The following LRRTM4 variants were observed in gnomAD, a reference collection of about 807,000 sequenced individuals.
LRRTM4 encodes leucine-rich repeat transmembrane neuronal protein 4.
A neutral mutation model predicts 47.6 loss-of-function variants in LRRTM4; 25 were observed. The ratio of observed to expected loss-of-function variants is 0.53; its 90% CI spans 0.38 to 0.73. LRRTM4 has a LOEUF of 0.73. Ranked by LOEUF, LRRTM4 falls within the 30% of genes least tolerant of loss-of-function variation. The probability of loss-of-function intolerance (pLI) is 0.00; values close to 1 mark genes in which losing one functional copy is unlikely to be tolerated. For missense variants in LRRTM4, 638 were observed against 713.4 expected (o/e 0.89, Z 1.20); for synonymous variants, 311 against 269.5 (o/e 1.15, Z -1.51).
chr2:77,505,236 T>C (rs1484456792), intron 3 of LRRTM4, among the ~76,000 whole-genome samples: 1 of 150,520 alleles, frequency 6.6e-6, no homozygotes, highest in African/African-American at 2.4e-5. Flanking sequence ...ATTCATAAAA[T>C]CAAAAACCAA....
chr2:77,029,866 A>T (rs1478165316), intron 3 of LRRTM4, among the ~76,000 whole-genome samples: 1 of 152,192 alleles, frequency 6.6e-6, no homozygotes, highest in East Asian at 1.9e-4. Context: ...GAGTCCTTAC[A>T]GTCTGACAGG....
At chr2:77,151,769 G>A (rs2103786301) in intron 3 of LRRTM4, among the ~76,000 whole-genome samples, 2 of 140,060 alleles carry the variant, frequency 1.4e-5, no homozygotes, top group South Asian at 4.7e-4. Flanking sequence ...TAAGTTTAGG[G>A]AACAGAAAGA....
At chr2:77,469,322 C>T (rs1463313981) in intron 3 of LRRTM4, among the ~76,000 whole-genome samples, 1 of 152,114 alleles carries the variant, frequency 6.6e-6, no homozygotes, top group Admixed American at 6.6e-5. Context: ...CAGAAGGCCA[C>T]TAATAAACTA....
intron 3 of LRRTM4, among the ~76,000 whole-genome samples, chr2:77,225,287 A>T (rs901169072): frequency 5.4e-5 from 8 of 149,304 alleles, no homozygotes; most frequent in Admixed American, 2.0e-4. Flanking sequence ...TGGGTGCAGC[A>T]CACCAACATG....
At chr2:77,356,172 T>C (rs1227610777) in intron 3 of LRRTM4, among the ~76,000 whole-genome samples, 9 of 152,136 alleles carry the variant, frequency 5.9e-5, no homozygotes, top group Non-Finnish European at 1.3e-4. Flanking sequence ...ATAGATTAAT[T>C]GAAACATTAA....
chr2:77,031,023 A>G (rs1269227300), intron 3 of LRRTM4, among the ~76,000 whole-genome samples: 1 of 152,214 alleles, frequency 6.6e-6, no homozygotes, highest in East Asian at 1.9e-4. Flanking sequence ...TTTCTTTGTG[A>G]ATAAACTGTA....
chr2:77,004,371 G>C (rs1677554271), intron 3 of LRRTM4, among the ~76,000 whole-genome samples: 1 of 152,186 alleles, frequency 6.6e-6, no homozygotes, highest in South Asian at 2.1e-4. Context: ...AGAGACCAAA[G>C]TGTATCTTGG....
At chr2:77,062,270 T>C (rs921087748) in intron 3 of LRRTM4, among the ~76,000 whole-genome samples, 2 of 152,184 alleles carry the variant, frequency 1.3e-5, no homozygotes, top group African/African-American at 4.8e-5. Flanking sequence ...ACATCATTAT[T>C]TGCAGTTTAT....
intron 3 of LRRTM4, among the ~76,000 whole-genome samples, chr2:77,311,412 T>A (rs903209028): frequency 3.3e-5 from 5 of 152,164 alleles, no homozygotes; most frequent in Admixed American, 3.3e-4. Context: ...AGTACCTGGG[T>A]GAAGAGCATA....
chr2:76,801,463 A>G (rs960047598), intron 3 of LRRTM4, among the ~76,000 whole-genome samples: 9 of 152,212 alleles, frequency 5.9e-5, no homozygotes, highest in Admixed American at 2.6e-4. Context: ...GAATTGAACA[A>G]TGAGATCACA....
intron 3 of LRRTM4, among the ~76,000 whole-genome samples, chr2:77,061,689 T>C (rs1455007273): frequency 2.6e-5 from 4 of 151,102 alleles, no homozygotes; most frequent in African/African-American, 4.8e-5. Context: ...AACTCTCAAA[T>C]AGTTTTCCAT....
At position 77,355,102 on chromosome 2, in the gene LRRTM4, G is replaced by A. The variant is rs376291032; in HGVS notation, c.1551+163216C>T. On this transcript the variant is annotated intron_variant, in intron 3 of 3. Coordinates refer to ENST00000409884, the MANE Select transcript of LRRTM4 (RefSeq NM_001134745.3). Reference sequence around the variant, plus strand: ...TGGATTCCATATTACAAACATTCCAGTTTCTAATAACTTGCCACTGATGTT... The same window carrying A: ...TGGATTCCATATTACAAACATTCCAATTTCTAATAACTTGCCACTGATGTT... Among the ~76,000 whole-genome samples the A allele has an allele frequency of 4.8e-4, 73 of 152,248 alleles. 1 individual carries two copies. In the South Asian group the frequency reaches 0.015, roughly 31 times the overall value.
At chr2:77,033,044 G>A (rs940270094) in intron 3 of LRRTM4, among the ~76,000 whole-genome samples, 5 of 151,954 alleles carry the variant, frequency 3.3e-5, no homozygotes, top group African/African-American at 9.7e-5. Context: ...TATCTCTCGG[G>A]ACAATCACAA....
intron 3 of LRRTM4, among the ~76,000 whole-genome samples, chr2:77,092,337 AC>A (rs1670674239): frequency 6.6e-6 from 1 of 150,682 alleles, no homozygotes; most frequent in African/African-American, 2.5e-5. Context: ...CCTGTTCCTC[AC>A]CCTGATCACA....
intron 3 of LRRTM4, among the ~76,000 whole-genome samples, chr2:76,866,970 C>G (rs1478881184): frequency 6.6e-6 from 1 of 151,760 alleles, no homozygotes; most frequent in East Asian, 1.9e-4. Context: ...AACACAGGAA[C>G]AGAAAACCAA....
intron 3 of LRRTM4, among the ~76,000 whole-genome samples, chr2:77,084,724 A>C (rs764855682): frequency 1.3e-5 from 2 of 152,182 alleles, no homozygotes; most frequent in African/African-American, 2.4e-5. Flanking sequence ...AGTTATAATA[A>C]TGGGACCTAC....
At chr2:77,050,573 T>C (rs62170910) in intron 3 of LRRTM4, among the ~76,000 whole-genome samples, 19,012 of 152,182 alleles carry the variant, frequency 0.12, 1,436 homozygotes, top group Admixed American at 0.19. Context: ...TCTGAACCTG[T>C]AACAGTCGGT....
chr2:76,761,843 T>G (rs1389477632), intron 3 of LRRTM4, among the ~76,000 whole-genome samples: 1 of 152,136 alleles, frequency 6.6e-6, no homozygotes, highest in African/African-American at 2.4e-5. Context: ...GGAGGATCAT[T>G]AAATTTATCT....
intron 3 of LRRTM4, among the ~76,000 whole-genome samples, chr2:77,135,645 C>A (rs1671915378): frequency 6.6e-6 from 1 of 152,026 alleles, no homozygotes; most frequent in South Asian, 2.1e-4. Flanking sequence ...GTGCCATGAA[C>A]CAGAAAGCTA....
Sources: gnomAD v4.1 joint callset for allele counts (sites outside exome capture counted in the v4.1 genomes callset) on GRCh38, gnomAD v4.1.1 for gene constraint, MANE v1.5 for transcripts, NCBI Gene and HGNC (gene_info 2026-07-23, HGNC 2026-07-21) for gene names.